MMP17: variants seen among roughly 807,000 people sequenced by gnomAD.
MMP17 encodes the protein matrix metallopeptidase 17, also known as matrix metalloproteinase-17.
In MMP17, 54 loss-of-function variants were observed where a neutral mutation model predicts 49.1. The observed-to-expected ratio is 1.10, with a 90% CI of 0.88 to 1.38. The LOEUF (loss-of-function observed/expected upper bound fraction) is 1.38, where lower values mean the gene tolerates loss of function less well. MMP17 is among the 40% of genes most tolerant of loss of function. MMP17 has a pLI of 0.00. For synonymous variants in MMP17, 397 were observed against 383.1 expected, an observed-to-expected ratio of 1.04 and a Z score of -0.42; for missense variants, 837 against 853.7, an observed-to-expected ratio of 0.98 and a Z score of 0.24.
At chr12:131,837,831 C>T (rs1887159251) in intron 1 of MMP17, among the ~76,000 whole-genome samples, 1 of 152,242 alleles carries the variant, frequency 6.6e-6, no homozygotes, top group Non-Finnish European at 1.5e-5. Context: ...CTGCCTCAGC[C>T]TCCCGAGTAG....
intron 1 of MMP17, among the ~76,000 whole-genome samples, chr12:131,831,403 A>G (rs1179244551): frequency 6.6e-6 from 1 of 152,042 alleles, no homozygotes; most frequent in African/African-American, 2.4e-5. Context: ...GCTGGGCCAG[A>G]TGGTGCCAGG....
chr12:131,845,389 C>T lies in MMP17; in HGVS notation c.1144C>T (p.Leu382=). The part of the protein sequence containing the change: ...HRFWRGLPLH[L]DSVDAVYERT... ...CTTCTGGCGGGGCCTGCCGCTGCACCTGGACAGCGTGGACGCCGTGTACGA... is the reference window on the plus strand; with the variant it reads ...CTTCTGGCGGGGCCTGCCGCTGCACTTGGACAGCGTGGACGCCGTGTACGA... The change falls in exon 8 of 10, where the codon CTG becomes TTG. Residue 382 remains leucine, a synonymous_variant. Transcript: ENST00000360564. 6.3e-7 allele frequency: 1 copy of T among 1,595,548 alleles called. No individual in the cohort carries two copies. The highest frequency in any genetic ancestry group is 8.5e-7 in the Non-Finnish European group (1 of 1,173,538).
At chr12:131,845,593 T>C in intron 8 of MMP17, 144 bp downstream of exon 8, 1 of 1,119,790 alleles carries the variant, frequency 8.9e-7, no homozygotes, top group Middle Eastern at 3.1e-4. Context: ...GCTTGTGCAC[T>C]CAGCAGATGC....
intron 6 of MMP17, chr12:131,844,822 G>A (rs1218075289): frequency 4.8e-6 from 2 of 414,432 alleles, no homozygotes; most frequent in Non-Finnish European, 8.9e-6. Context: ...TGGCGTGGGT[G>A]TTTGGCACCC....
At chr12:131,839,349 G>A (rs971004406) in intron 3 of MMP17, among the ~76,000 whole-genome samples, 4 of 150,790 alleles carry the variant, frequency 2.7e-5, no homozygotes, top group East Asian at 1.9e-4. Flanking sequence ...GTCTCACTTC[G>A]TCACCCAGGC....
intron 9 of MMP17, among the ~76,000 whole-genome samples, chr12:131,850,318 T>A (rs1191246471): frequency 6.6e-6 from 1 of 152,210 alleles, no homozygotes; most frequent in African/African-American, 2.4e-5. Flanking sequence ...CCAGCCACGC[T>A]CCTGCCCCAG....
intron 5 of MMP17, among the ~76,000 whole-genome samples, chr12:131,842,328 A>G (rs911505584): frequency 2.0e-5 from 3 of 152,050 alleles, no homozygotes; most frequent in Admixed American, 2.0e-4. Flanking sequence ...ACTTATACCC[A>G]GCCCCAGCTG....
intron 1 of MMP17, among the ~76,000 whole-genome samples, chr12:131,834,711 G>T (rs1188193501): frequency 6.6e-6 from 1 of 152,068 alleles, no homozygotes; most frequent in African/African-American, 2.4e-5. Context: ...GTTTGCCCCA[G>T]GACTGTGCTC....
chr12:131,840,565 G>C lies in MMP17; in HGVS notation c.423-8G>C. ...CGTGACTCACTCTGGGCTGACCCCTGCCTGCAGGGTCCGGACGTTCCCACG... is the reference window on the plus strand; with the variant it reads ...CGTGACTCACTCTGGGCTGACCCCTCCCTGCAGGGTCCGGACGTTCCCACG... On this transcript the variant is annotated splice_polypyrimidine_tract_variant and splice_region_variant and intron_variant, in intron 3 of 9. Coordinates refer to ENST00000360564, the MANE Select transcript of MMP17 (RefSeq NM_016155.7). 1 of 1,571,404 alleles carries C rather than the reference G, an allele frequency of 6.4e-7. No individual in the cohort carries two copies.
At chr12:131,842,289 C>T (rs997284227) in intron 5 of MMP17, among the ~76,000 whole-genome samples, 1 of 152,130 alleles carries the variant, frequency 6.6e-6, no homozygotes, top group Admixed American at 6.5e-5. Context: ...AGACAGCACA[C>T]GTGCATCAGA....
At chr12:131,849,774 G>A (rs369853750) in intron 8 of MMP17, 28 bp from the exon 9 acceptor site, 48 of 1,594,500 alleles carry the variant, frequency 3.0e-5, no homozygotes, top group Admixed American at 6.8e-5. Flanking sequence ...GCCGAGCCCC[G>A]GCCCACAGCT....
intron 8 of MMP17, among the ~76,000 whole-genome samples, chr12:131,847,983 C>A (rs1469253347): frequency 6.6e-6 from 1 of 152,250 alleles, no homozygotes; most frequent in Non-Finnish European, 1.5e-5. Context: ...GTCCTCCCAT[C>A]ATCTCCTTAA....
Position 131,841,813 on chromosome 12 carries a change from C to G in MMP17, c.883+13C>G. 1 of 1,561,700 alleles carries G rather than the reference C, an allele frequency of 6.4e-7. No homozygotes were observed. The highest frequency in any genetic ancestry group is 8.7e-7 in the Non-Finnish European group (1 of 1,155,952). ...TGGCAGCTGTACGGTGAGTGTCTCC[C>G]CGAAGCCAGACACAGGGCCCCTGGA... On this transcript the variant is annotated intron_variant, in intron 5 of 9. Transcript: ENST00000360564.
At position 131,845,177 on chromosome 12, in the gene MMP17, G is replaced by C. The variant is rs776892759; in HGVS notation, c.1028G>C (p.Arg343Pro). 6.2e-7 allele frequency: 1 copy of C among 1,614,050 alleles called. No individual in the cohort carries two copies. Among genetic ancestry groups the C allele is most frequent in the Non-Finnish European group, 8.5e-7 (1 of 1,179,942 alleles). The part of the protein sequence containing the change: ...STHFDAVAQI[R>P]GEAFFFKGKY... ...CACTTTGACGCGGTGGCCCAGATCCGGGGTGAAGCTTTCTTCTTCAAAGGT... is the reference window on the plus strand; with the variant it reads ...CACTTTGACGCGGTGGCCCAGATCCCGGGTGAAGCTTTCTTCTTCAAAGGT... The change falls in exon 7 of 10, where the codon CGG (arginine) becomes CCG (proline). Residue 343 changes from arginine to proline, a missense_variant. Arg to Pro is a moderately radical substitution (Grantham distance 103, BLOSUM62 -2). Coordinates refer to ENST00000360564, the MANE Select transcript of MMP17 (RefSeq NM_016155.7).
chr12:131,845,301 G>A lies in MMP17; in HGVS notation c.1056G>A (p.Lys352=). 6.2e-7 allele frequency: 1 copy of A among 1,609,158 alleles called. No individual in the cohort carries two copies. Among genetic ancestry groups the A allele is most frequent in the Non-Finnish European group, 8.5e-7 (1 of 1,176,472 alleles). Residue 352 remains lysine, a synonymous_variant, in exon 8 of 10, where the codon AAG becomes AAA. Transcript: ENST00000360564. ...IRGEAFFFKG[K]YFWRLTRDRH... ...CCCTCCCCTCTGTGCCCCCAGGCAA[G>A]TACTTCTGGCGGCTGACGCGGGACC...
At chr12:131,838,840 G>C in intron 3 of MMP17, 99 bp downstream of exon 3, 1 of 1,423,276 alleles carries the variant, frequency 7.0e-7, no homozygotes, top group Non-Finnish European at 9.4e-7. Flanking sequence ...GCGTGGCCAG[G>C]GTGGGGAACG....
chr12:131,845,349 G>C lies in MMP17; in HGVS notation c.1104G>C (p.Pro368=), dbSNP rs140855643. ...TRDRHLVSLQ[P]AQMHRFWRGL... Reference sequence around the variant, plus strand: ...ACCGGCACCTGGTGTCCCTGCAGCCGGCACAGATGCACCGCTTCTGGCGGG... The same window carrying C: ...ACCGGCACCTGGTGTCCCTGCAGCCCGCACAGATGCACCGCTTCTGGCGGG... Residue 368 remains proline, a synonymous_variant, in exon 8 of 10, where the codon CCG becomes CCC. Transcript: ENST00000360564. 2.5e-6 allele frequency: 4 copies of C among 1,602,834 alleles called. No homozygotes were observed. Among genetic ancestry groups the C allele is most frequent in the Middle Eastern group, 1.7e-4 (1 of 6,042 alleles).
chr12:131,840,594 C>T lies in MMP17; in HGVS notation c.444C>T (p.Asp148=), dbSNP rs779236828. ...GCAGGGTCCGGACGTTCCCACGGGA[C>T]TCACCACTGGGGCACGACACGGTGC... ...LSWRVRTFPR[D]SPLGHDTVRA... The change falls in exon 4 of 10, where the codon GAC becomes GAT. Residue 148 remains aspartate (D), a synonymous_variant. Coordinates refer to ENST00000360564, the MANE Select transcript of MMP17 (RefSeq NM_016155.7). 6.3e-7 allele frequency: 1 copy of T among 1,596,970 alleles called. No homozygotes were observed. Among genetic ancestry groups the T allele is most frequent in the Non-Finnish European group, 8.5e-7 (1 of 1,170,900 alleles).
rs1887634672 is a variant in MMP17 at position 131,845,208 on chromosome 12, C to T, written c.1051+8C>T. On this transcript the variant is annotated splice_region_variant and intron_variant, in intron 7 of 9. Coordinates refer to ENST00000360564, the MANE Select transcript of MMP17 (RefSeq NM_016155.7). ...AAGCTTTCTTCTTCAAAGGTACCTC[C>T]AGGGTTCCCGTGGCGGTTGGCTGAG... is the stretch of plus-strand genomic sequence containing the variant. The T allele has an allele frequency of 6.2e-7, 1 of 1,613,912 alleles. No homozygotes were observed. Among genetic ancestry groups the T allele is most frequent in the Admixed American group, 1.7e-5 (1 of 60,004 alleles).
Sources: gnomAD v4.1 joint callset for allele counts (sites outside exome capture counted in the v4.1 genomes callset) on GRCh38, gnomAD v4.1.1 for gene constraint, MANE v1.5 for transcripts, NCBI Gene and HGNC (gene_info 2026-07-23, HGNC 2026-07-21) for gene names.